The following NCKAP5 variants were observed in gnomAD, a reference collection of about 807,000 sequenced individuals.
NCKAP5 encodes the protein NCK associated protein 5, also known as nck-associated protein 5.
Under a neutral mutation model 167.0 loss-of-function variants are expected in NCKAP5, and 92 were observed. The observed-to-expected ratio is 0.55, with a 90% confidence interval of 0.47 to 0.66. NCKAP5 has a LOEUF of 0.66. Among genes scored for constraint, NCKAP5 ranks in the 30% least tolerant of loss-of-function variants. The pLI, the probability that NCKAP5 is intolerant of heterozygous loss-of-function variation, is 0.00. For synonymous variants in NCKAP5, 891 were observed against 877.4 expected (o/e 1.02, Z -0.27); for missense variants, 2,378 against 2,315.0 (o/e 1.03, Z -0.56).
intron 3 of NCKAP5, among the ~76,000 whole-genome samples, chr2:133,383,398 T>A (rs1442763312): frequency 6.6e-6 from 1 of 152,206 alleles, no homozygotes; most frequent in Non-Finnish European, 1.5e-5. Flanking sequence ...CATGAACTCA[T>A]CCTTTTTATG....
chr2:132,943,100 C>A (rs978855207), intron 8 of NCKAP5, among the ~76,000 whole-genome samples: 1 of 152,156 alleles, frequency 6.6e-6, no homozygotes, highest in Admixed American at 6.5e-5. Flanking sequence ...CTGAACCTAC[C>A]AGGGTCTGAA....
intron 6 of NCKAP5, among the ~76,000 whole-genome samples, chr2:133,053,741 C>G (rs1330337324): frequency 6.6e-6 from 1 of 152,160 alleles, no homozygotes; most frequent in Admixed American, 6.6e-5. Flanking sequence ...TTCCTGGTGT[C>G]TCTGCATAAC....
chr2:133,665,102 T>C, the NCKAP5 span, among the ~76,000 whole-genome samples: 1 of 152,220 alleles, frequency 6.6e-6, no homozygotes, highest in African/African-American at 2.4e-5. Context: ...ACTAAAACTT[T>C]CTCCATAACA....
At chr2:133,615,844 G>A in the NCKAP5 span, among the ~76,000 whole-genome samples, 4 of 152,052 alleles carry the variant, frequency 2.6e-5, no homozygotes, top group Admixed American at 6.6e-5. Context: ...TCAACAGAAT[G>A]TACATTTTTT....
chr2:133,476,725 T>A (rs1358151188), intron 3 of NCKAP5, among the ~76,000 whole-genome samples: 1 of 152,232 alleles, frequency 6.6e-6, no homozygotes, highest in Non-Finnish European at 1.5e-5. Context: ...TCGGTTCTCC[T>A]TCCCCCTTTC....
chr2:133,328,939 A>T (rs1682642265), intron 3 of NCKAP5, among the ~76,000 whole-genome samples: 1 of 151,992 alleles, frequency 6.6e-6, no homozygotes, highest in Non-Finnish European at 1.5e-5. Flanking sequence ...AACAAAAAAT[A>T]CTCTTTATGT....
intron 3 of NCKAP5, among the ~76,000 whole-genome samples, chr2:133,409,834 CT>C (rs1317205413): frequency 6.6e-6 from 1 of 152,164 alleles, no homozygotes; most frequent in African/African-American, 2.4e-5. Context: ...TCAGACTTTG[CT>C]ATGAAGGATC....
At chr2:132,890,921 A>T (rs573722891) in intron 8 of NCKAP5, among the ~76,000 whole-genome samples, 1 of 152,194 alleles carries the variant, frequency 6.6e-6, no homozygotes, top group Non-Finnish European at 1.5e-5. Context: ...AGAAACAAAT[A>T]CGTGTACCCA....
At chr2:133,663,748 C>A in the NCKAP5 span, among the ~76,000 whole-genome samples, 1 of 152,134 alleles carries the variant, frequency 6.6e-6, no homozygotes, top group Admixed American at 6.5e-5. Flanking sequence ...CTCTTTCTAC[C>A]ATATCTGCAG....
At chr2:132,793,941 A>G (rs1684280017) in intron 12 of NCKAP5, among the ~76,000 whole-genome samples, 1 of 151,870 alleles carries the variant, frequency 6.6e-6, no homozygotes, top group Non-Finnish European at 1.5e-5. Context: ...TCAGCATGTG[A>G]TTATCACATA....
intron 7 of NCKAP5, among the ~76,000 whole-genome samples, chr2:132,971,617 G>T (rs2076837362): frequency 6.6e-6 from 1 of 152,188 alleles, no homozygotes; most frequent in Admixed American, 6.5e-5. Context: ...GGCTATGCGG[G>T]AGTTGAAGGA....
chr2:133,013,552 G>A (rs945428301), intron 6 of NCKAP5, among the ~76,000 whole-genome samples: 20 of 152,072 alleles, frequency 1.3e-4, no homozygotes, highest in African/African-American at 4.1e-4. Context: ...TGAGAACAGC[G>A]CAGGAAAGAC....
At chr2:133,024,983 C>T (rs1376126358) in intron 6 of NCKAP5, among the ~76,000 whole-genome samples, 1 of 152,108 alleles carries the variant, frequency 6.6e-6, no homozygotes, top group Non-Finnish European at 1.5e-5. Flanking sequence ...GAAAAGATAA[C>T]CAAGTCGTAT....
At chr2:132,959,520 G>A (rs1221059470) in intron 8 of NCKAP5, among the ~76,000 whole-genome samples, 1 of 152,196 alleles carries the variant, frequency 6.6e-6, no homozygotes, top group African/African-American at 2.4e-5. Context: ...TTAGTCAGGT[G>A]TGCAGTTGGT....
At chr2:133,671,614 C>T in the NCKAP5 span, among the ~76,000 whole-genome samples, 1 of 152,080 alleles carries the variant, frequency 6.6e-6, no homozygotes, top group Non-Finnish European at 1.5e-5. Context: ...AGAGTCTCCC[C>T]AGCAAAAGGC....
At chr2:133,500,361 C>G (rs1380125347) in intron 3 of NCKAP5, among the ~76,000 whole-genome samples, 1 of 152,234 alleles carries the variant, frequency 6.6e-6, no homozygotes. Flanking sequence ...ACTTTACCTT[C>G]TAACTTACAA....
intron 18 of NCKAP5, 42 bp downstream of exon 18, chr2:132,728,774 C>G (rs1268009100): frequency 1.2e-6 from 2 of 1,602,896 alleles, no homozygotes; most frequent in Admixed American, 1.7e-5. Flanking sequence ...AGAATCAGGA[C>G]CAACAGGTGG....
intron 8 of NCKAP5, among the ~76,000 whole-genome samples, chr2:132,951,956 T>C (rs1472815127): frequency 6.6e-6 from 1 of 152,118 alleles, no homozygotes; most frequent in African/African-American, 2.4e-5. Flanking sequence ...ACAAACAAGA[T>C]TTGGGGTTTT....
chr2:133,454,040 G>A (rs1364414046), intron 3 of NCKAP5, among the ~76,000 whole-genome samples: 2 of 151,926 alleles, frequency 1.3e-5, no homozygotes, highest in Admixed American at 1.3e-4. Context: ...ATGTCAGTTT[G>A]CAAATCAGTA....
Sources: gnomAD v4.1 joint callset for allele counts (sites outside exome capture counted in the v4.1 genomes callset) on GRCh38, gnomAD v4.1.1 for gene constraint, MANE v1.5 for transcripts, NCBI Gene and HGNC (gene_info 2026-07-23, HGNC 2026-07-21) for gene names.